Variants in ZNF106 observed in about 807,000 individuals in gnomAD.
ZNF106 encodes the protein zinc finger protein 106.
Under a neutral mutation model 195.1 loss-of-function variants are expected in ZNF106, and 67 were observed. That is an observed-to-expected ratio of 0.34 (90% CI 0.28 to 0.42). ZNF106 has a LOEUF of 0.42. Among genes scored for constraint, ZNF106 ranks in the 10% least tolerant of loss-of-function variants. The pLI is 1.00. For synonymous variants in ZNF106, 784 were observed against 818.6 expected, an observed-to-expected ratio of 0.96 and a Z score of 0.72; for missense variants, 2,118 against 2,304.5, an observed-to-expected ratio of 0.92 and a Z score of 1.66.
intron 12 of ZNF106, 76 bp downstream of exon 12, chr15:42,438,536 G>C: frequency 1.6e-6 from 2 of 1,285,232 alleles, no homozygotes; most frequent in South Asian, 1.3e-5. Flanking sequence ...TATTTAAGTA[G>C]GTTTAAATCC....
At chr15:42,485,839 T>C (rs2057001191) in intron 1 of ZNF106, among the ~76,000 whole-genome samples, 1 of 152,232 alleles carries the variant, frequency 6.6e-6, no homozygotes, top group South Asian at 2.1e-4. Context: ...TAGTAGCCAG[T>C]GCTCCTTAAA....
intron 15 of ZNF106, chr15:42,427,543 C>T (rs1490535662): frequency 6.4e-6 from 1 of 155,196 alleles, no homozygotes; most frequent in African/African-American, 2.4e-5. Flanking sequence ...CCAAACCACA[C>T]CAATGTCATA....
chr15:42,451,636 A>G lies in ZNF106; in HGVS notation c.636T>C (p.Ser212=). 1 of 1,614,170 alleles carries G rather than the reference A, an allele frequency of 6.2e-7. No individual in the cohort carries two copies. Among genetic ancestry groups the G allele is most frequent in the Non-Finnish European group, 8.5e-7 (1 of 1,180,042 alleles). ...SNSGGGWLSN[S]GAVDWNHNGT... is the part of the protein sequence containing the mutation. The stretch of plus-strand genomic sequence containing the variant: ...CATTATGATTCCAATCTACTGCTCC[A>G]CTATTTGAAAGCCAACCACCTCCAG... The change falls in exon 5 of 22, where the codon AGT becomes AGC. Residue 212 remains serine (S), a synonymous_variant. Transcript: ENST00000564754.
intron 9 of ZNF106, among the ~76,000 whole-genome samples, chr15:42,443,602 C>A (rs146845292): frequency 3.3e-5 from 5 of 151,666 alleles, no homozygotes; most frequent in African/African-American, 9.7e-5. Context: ...TGGTGACACA[C>A]GTCTGTAGTC....
intron 19 of ZNF106, 92 bp downstream of exon 19, chr15:42,421,825 A>G (rs1379074083): frequency 6.1e-6 from 6 of 990,722 alleles, no homozygotes; most frequent in Non-Finnish European, 8.9e-6. Context: ...ACAATGAGGC[A>G]TATCAGAAGC....
intron 2 of ZNF106, among the ~76,000 whole-genome samples, chr15:42,469,039 G>C (rs1595488106): frequency 6.6e-6 from 1 of 152,024 alleles, no homozygotes; most frequent in Non-Finnish European, 1.5e-5. Flanking sequence ...ATACAAATTA[G>C]CTGGGCGTGG....
At chr15:42,471,436 A>G (rs150766948) in intron 2 of ZNF106, among the ~76,000 whole-genome samples, 3 of 152,330 alleles carry the variant, frequency 2.0e-5, no homozygotes, top group African/African-American at 7.2e-5. Flanking sequence ...TTAGGTCCTA[A>G]AAAGATGTTT....
Position 42,422,463 on chromosome 15 carries a change from C to T in ZNF106, c.5373+38G>A, listed in dbSNP as rs777114971. 2.2e-5 allele frequency: 36 copies of T among 1,603,646 alleles called. No homozygotes were observed. In the Middle Eastern group the frequency reaches 9.4e-4, roughly 42 times the overall value. On this transcript the variant is annotated intron_variant, in intron 18 of 21. Transcript: ENST00000564754. ...CACTAAACCCAAATAGACAATCTCCCCAAATCATTCAAGCAAAATACTGAA... is the reference window on the plus strand; with the variant it reads ...CACTAAACCCAAATAGACAATCTCCTCAAATCATTCAAGCAAAATACTGAA...
chr15:42,420,393 G>A (rs537591656), intron 20 of ZNF106, among the ~76,000 whole-genome samples: 8 of 152,108 alleles, frequency 5.3e-5, no homozygotes, highest in Admixed American at 1.3e-4. Context: ...TGGATAAAGA[G>A]GAACTGCACT....
rs759128770 is a variant in ZNF106 at position 42,451,267 on chromosome 15, G to A, written c.1005C>T (p.Leu335=). ...TTTCCAGCTGCTCAAAATTGAAGTC[G>A]AGTAAGCCTTCTGAAGGAAATTTAT... ...TSDKFPSEGL[L]DFNFEQLESQ... Residue 335 remains leucine (L), a synonymous_variant, in exon 5 of 22, where the codon CTC becomes CTT. Coordinates refer to ENST00000564754, the MANE Select transcript of ZNF106 (RefSeq NM_001366845.3). 5.0e-6 allele frequency: 8 copies of A among 1,613,996 alleles called. No individual in the cohort carries two copies. The highest frequency in any genetic ancestry group is 2.2e-5 in the East Asian group (1 of 44,894).
intron 14 of ZNF106, among the ~76,000 whole-genome samples, chr15:42,429,699 G>T (rs2054986144): frequency 6.6e-6 from 1 of 151,942 alleles, no homozygotes; most frequent in African/African-American, 2.4e-5. Context: ...TACAGCAAAA[G>T]ACAGTAAATA....
At chr15:42,435,047 T>C (rs796455560) in intron 14 of ZNF106, among the ~76,000 whole-genome samples, 1 of 152,252 alleles carries the variant, frequency 6.6e-6, no homozygotes, top group Non-Finnish European at 1.5e-5. Context: ...GTGCTGGGAT[T>C]AGAGGCGTGA....
chr15:42,435,047 T>G (rs796455560), intron 14 of ZNF106, among the ~76,000 whole-genome samples: 5 of 152,370 alleles, frequency 3.3e-5, no homozygotes, highest in African/African-American at 1.2e-4. Flanking sequence ...GTGCTGGGAT[T>G]AGAGGCGTGA....
intron 3 of ZNF106, chr15:42,457,373 GCAATAGA>G (rs1198436593): frequency 2.2e-5 from 31 of 1,412,942 alleles, no homozygotes; most frequent in Non-Finnish European, 2.8e-5. Context: ...CAATCAAGAG[GCAATAGA>G]CTTCAGATAA....
rs146570015 is a variant in ZNF106, at chr15:42,435,400, C to T, written c.4865G>A (p.Arg1622His). 60 of 1,614,006 alleles carry T rather than the reference C, an allele frequency of 3.7e-5. No individual in the cohort carries two copies. The highest frequency in any genetic ancestry group is 1.9e-4 in the South Asian group (17 of 91,082). ...CCCACCTACCTTAACATTATAGCAG[C>T]GGATGGTATGGTCACTGGACCCGGT... The part of the protein sequence containing the change: ...LYTGSSDHTI[R>H]CYNVKSRECV... The change falls in exon 14 of 22, where the codon CGC becomes CAC. Residue 1622 changes from arginine (R) to histidine (H), a missense_variant. Coordinates refer to ENST00000564754, the MANE Select transcript of ZNF106 (RefSeq NM_001366845.3).
At chr15:42,417,385 A>G in intron 21 of ZNF106, 25 bp from the exon 22 acceptor site, 3 of 1,613,732 alleles carry the variant, frequency 1.9e-6, no homozygotes, top group Non-Finnish European at 2.5e-6. Context: ...AAAAGGGCCC[A>G]TGAGAGAGAA....
chr15:42,413,040 C>T lies in ZNF106; in HGVS notation c.*4264G>A, dbSNP rs1355376473. ...TGGAGCAGCTCTAGGGCATATATTT[C>T]TCTTAAATAGGAGAAAGATTTTCAA... is the stretch of plus-strand genomic sequence containing the variant. On this transcript the variant is annotated 3_prime_UTR_variant, in exon 22 of 22. Transcript: ENST00000564754. The T allele has an allele frequency of 2.0e-5, 3 of 152,172 alleles. No individual in the cohort carries two copies. Among genetic ancestry groups the T allele is most frequent in the Admixed American group, 1.3e-4 (2 of 15,276 alleles). The allele number at this position is 152,172 out of a possible 1,614,324, so 9.4% of individuals were successfully genotyped here.
intron 4 of ZNF106, among the ~76,000 whole-genome samples, chr15:42,453,107 T>C (rs558708950): frequency 1.3e-5 from 2 of 152,358 alleles, no homozygotes; most frequent in African/African-American, 4.8e-5. Context: ...AATAAGATGA[T>C]ACTTTGCATG....
intron 1 of ZNF106, among the ~76,000 whole-genome samples, chr15:42,489,983 G>C (rs1158014609): frequency 6.6e-6 from 1 of 152,126 alleles, no homozygotes; most frequent in East Asian, 1.9e-4. Context: ...AGGTTGCAGT[G>C]AGCCAAGATC....
Sources: gnomAD v4.1 joint callset for allele counts (sites outside exome capture counted in the v4.1 genomes callset) on GRCh38, gnomAD v4.1.1 for gene constraint, MANE v1.5 for transcripts, NCBI Gene and HGNC (gene_info 2026-07-23, HGNC 2026-07-21) for gene names.